Variants in BRINP3 observed in about 807,000 individuals in gnomAD.
BRINP3 encodes the protein BMP/retinoic acid-inducible neural-specific protein 3.
BRINP3 carries 19 observed loss-of-function variants against 71.0 expected under a neutral mutation model. That is an observed-to-expected ratio of 0.27 (90% CI 0.19 to 0.39). The LOEUF is 0.39. Among genes scored for constraint, BRINP3 ranks in the 10% least tolerant of loss-of-function variants. The pLI, the probability that BRINP3 is intolerant of heterozygous loss-of-function variation, is 1.00. For synonymous variants in BRINP3, 380 were observed against 337.7 expected, an observed-to-expected ratio of 1.13 and a Z score of -1.37; for missense variants, 959 against 940.8, an observed-to-expected ratio of 1.02 and a Z score of -0.25.
At chr1:190,412,142 A>C (rs2102412528) in intron 2 of BRINP3, among the ~76,000 whole-genome samples, 1 of 152,004 alleles carries the variant, frequency 6.6e-6, no homozygotes, top group Non-Finnish European at 1.5e-5. Flanking sequence ...AGCAGAACTC[A>C]ATAAAAAAAA....
chr1:190,373,430 ATATATG>A (rs1365023031), intron 2 of BRINP3, among the ~76,000 whole-genome samples: 1 of 127,052 alleles, frequency 7.9e-6, no homozygotes, highest in African/African-American at 2.9e-5. Context: ...AATTATATAT[ATATATG>A]TGTGTGTGTG....
intron 7 of BRINP3, among the ~76,000 whole-genome samples, chr1:190,132,428 G>T (rs938169821): frequency 6.6e-6 from 1 of 151,994 alleles, no homozygotes; most frequent in Non-Finnish European, 1.5e-5. Context: ...ATATTGGGTT[G>T]TAGTAAAACT....
intron 2 of BRINP3, among the ~76,000 whole-genome samples, chr1:190,382,520 T>C (rs903079666): frequency 6.6e-6 from 1 of 152,164 alleles, no homozygotes; most frequent in African/African-American, 2.4e-5. Flanking sequence ...AAAGATTTGA[T>C]TTATTTAAAG....
intron 2 of BRINP3, among the ~76,000 whole-genome samples, chr1:190,438,354 A>G (rs964021298): frequency 6.6e-6 from 1 of 151,788 alleles, no homozygotes; most frequent in Non-Finnish European, 1.5e-5. Context: ...GATATAAAAT[A>G]ACACTATCAA....
intron 2 of BRINP3, among the ~76,000 whole-genome samples, chr1:190,373,649 A>G (rs919282069): frequency 2.6e-5 from 4 of 151,674 alleles, no homozygotes; most frequent in East Asian, 2.0e-4. Context: ...AAGAACATCC[A>G]CAGCAGAGCA....
In BRINP3 at chr1:190,271,909, A is replaced by G. The variant is rs573315583; in HGVS notation, c.428-6854T>C. 2.6e-3 allele frequency among the ~76,000 whole-genome samples: 399 copies of G among 151,698 alleles called. 3 individuals are homozygous for G. The highest frequency in any genetic ancestry group is 3.8e-3 in the Non-Finnish European group (255 of 67,620). The stretch of plus-strand genomic sequence containing the variant: ...TACTTCGCACATGTTAGGTTGTCCT[A>G]TGATACAACTGGAAAGTGACACATA... On this transcript the variant is annotated intron_variant, in intron 3 of 7. Coordinates refer to ENST00000367462, the MANE Select transcript of BRINP3 (RefSeq NM_199051.3).
chr1:190,325,476 T>C (rs1445630441), intron 2 of BRINP3, among the ~76,000 whole-genome samples: 1 of 152,020 alleles, frequency 6.6e-6, no homozygotes, highest in Non-Finnish European at 1.5e-5. Context: ...TTATTTTAAA[T>C]GTAGGAGAAG....
intron 7 of BRINP3, among the ~76,000 whole-genome samples, chr1:190,146,252 A>C (rs1365206373): frequency 3.9e-5 from 6 of 152,212 alleles, no homozygotes; most frequent in Non-Finnish European, 8.8e-5. Context: ...TAACCTTATT[A>C]GATTATGATA....
intron 6 of BRINP3, among the ~76,000 whole-genome samples, chr1:190,197,777 G>A (rs1398185738): frequency 6.6e-6 from 1 of 152,106 alleles, no homozygotes; most frequent in East Asian, 1.9e-4. Flanking sequence ...TTTTCCATGT[G>A]CAGAGGGCAA....
At chr1:190,464,375 T>C (rs1244437551) in intron 1 of BRINP3, among the ~76,000 whole-genome samples, 3 of 151,982 alleles carry the variant, frequency 2.0e-5, no homozygotes, top group East Asian at 1.9e-4. Flanking sequence ...TTAAAGTAAG[T>C]AGAGACTGGA....
chr1:190,149,096 T>A (rs1417527302), intron 7 of BRINP3, among the ~76,000 whole-genome samples: 1 of 152,240 alleles, frequency 6.6e-6, no homozygotes, highest in Admixed American at 6.5e-5. Flanking sequence ...TAACATTGTA[T>A]TAAGTTAAAA....
At chr1:190,280,761 T>G (rs1342924488) in intron 3 of BRINP3, among the ~76,000 whole-genome samples, 1 of 151,948 alleles carries the variant, frequency 6.6e-6, no homozygotes, top group Non-Finnish European at 1.5e-5. Flanking sequence ...ACAGTGTTCT[T>G]CATTATAAGA....
At chr1:190,449,316 C>A (rs1190656758) in intron 2 of BRINP3, among the ~76,000 whole-genome samples, 1 of 151,816 alleles carries the variant, frequency 6.6e-6, no homozygotes, top group African/African-American at 2.4e-5. Flanking sequence ...TCTAGAGATA[C>A]CACAATTTCC....
chr1:190,255,044 TTCA>T (rs927985246), intron 4 of BRINP3, among the ~76,000 whole-genome samples: 2 of 151,944 alleles, frequency 1.3e-5, no homozygotes, highest in African/African-American at 4.8e-5. Context: ...GGTTTTTTTT[TTCA>T]TTGGTTCTGT....
intron 2 of BRINP3, among the ~76,000 whole-genome samples, chr1:190,385,180 C>T (rs926420409): frequency 2.0e-5 from 3 of 152,078 alleles, no homozygotes; most frequent in African/African-American, 7.2e-5. Context: ...GCAAGGACTT[C>T]ATGTCTAAAA....
chr1:190,212,910 A>T (rs1656109878), intron 6 of BRINP3, among the ~76,000 whole-genome samples: 1 of 152,048 alleles, frequency 6.6e-6, no homozygotes, highest in Non-Finnish European at 1.5e-5. Flanking sequence ...TTAAGATTTT[A>T]TGGTTGTTTA....
chr1:190,197,046 A>G (rs1189035855), intron 6 of BRINP3, among the ~76,000 whole-genome samples: 1 of 151,974 alleles, frequency 6.6e-6, no homozygotes, highest in East Asian at 1.9e-4. Flanking sequence ...TGGAGATTTA[A>G]TGGACTCACA....
chr1:190,339,017 T>A (rs566110221), intron 2 of BRINP3, among the ~76,000 whole-genome samples: 14 of 145,876 alleles, frequency 9.6e-5, no homozygotes, highest in Non-Finnish European at 1.5e-4. Context: ...AATAAATAAA[T>A]AAATAAATAA....
At chr1:190,156,373 A>T (rs1656863627) in intron 7 of BRINP3, among the ~76,000 whole-genome samples, 1 of 152,218 alleles carries the variant, frequency 6.6e-6, no homozygotes, top group Non-Finnish European at 1.5e-5. Context: ...AAGGCAAGAA[A>T]AAAATATAAT....
Sources: allele counts gnomAD v4.1 joint callset (sites outside exome capture counted in the v4.1 genomes callset), GRCh38; gene constraint gnomAD v4.1.1; transcripts MANE v1.5; gene names NCBI Gene and HGNC (gene_info 2026-07-23, HGNC 2026-07-21).